Variants in NFE2L2 observed in about 807,000 individuals in gnomAD.
The protein encoded by NFE2L2 is nuclear factor erythroid 2-related factor 2.
A neutral mutation model predicts 49.6 loss-of-function variants in NFE2L2; 20 were observed. That is an observed-to-expected ratio of 0.40 (90% confidence interval 0.28 to 0.59). The LOEUF is 0.59. Ranked by LOEUF, NFE2L2 falls within the 20% of genes least tolerant of loss-of-function variation. The pLI is 0.40. For missense variants in NFE2L2, 578 were observed against 714.2 expected (o/e 0.81, Z 2.17); for synonymous variants, 244 against 256.5 (o/e 0.95, Z 0.47).
intron 1 of NFE2L2, among the ~76,000 whole-genome samples, chr2:177,256,578 T>TAACTGAAG (rs1287972899): frequency 1.6e-4 from 24 of 151,836 alleles, no homozygotes; most frequent in African/African-American, 5.8e-4. Flanking sequence ...GCCTAAATCT[T>TAACTGAAG]AACTGAAGTC....
Position 177,252,586 on chromosome 2 carries a change from T to C in NFE2L2, c.45+11946A>G, listed in dbSNP as rs138787742. On this transcript the variant is annotated intron_variant, in intron 1 of 4. Coordinates refer to ENST00000397062, the MANE Select transcript of NFE2L2 (RefSeq NM_006164.5). Reference sequence around the variant, plus strand: ...CCACCTTGAGGAAGAAATGAATCCATTCTTTAAGCAAAATGGCAACTTCTG... The same window carrying C: ...CCACCTTGAGGAAGAAATGAATCCACTCTTTAAGCAAAATGGCAACTTCTG... 4.4e-4 allele frequency among the ~76,000 whole-genome samples: 67 copies of C among 152,302 alleles called. No homozygotes were observed. The Middle Eastern group carries it at 0.014, about 31-fold the overall frequency.
At chr2:177,244,744 C>A (rs961470509) in intron 1 of NFE2L2, among the ~76,000 whole-genome samples, 1 of 152,078 alleles carries the variant, frequency 6.6e-6, no homozygotes, top group Non-Finnish European at 1.5e-5. Flanking sequence ...CGGTGGCACA[C>A]GCCTGTAATC....
chr2:177,262,897 CAGA>C (rs1428476938), intron 1 of NFE2L2, among the ~76,000 whole-genome samples: 2 of 152,076 alleles, frequency 1.3e-5, no homozygotes, highest in Non-Finnish European at 2.9e-5. Flanking sequence ...TAGTTGGAAC[CAGA>C]AGAATACAAT....
chr2:177,249,799 T>C (rs1429235267), intron 1 of NFE2L2, among the ~76,000 whole-genome samples: 3 of 152,376 alleles, frequency 2.0e-5, no homozygotes, highest in South Asian at 2.1e-4. Flanking sequence ...CTACAAGGTA[T>C]ATTTAACAGA....
intron 1 of NFE2L2, among the ~76,000 whole-genome samples, chr2:177,239,321 T>C (rs1659378867): frequency 6.6e-6 from 1 of 152,036 alleles, no homozygotes; most frequent in African/African-American, 2.4e-5. Context: ...TTCAGTGCAA[T>C]CGTAATAGGA....
intron 1 of NFE2L2, among the ~76,000 whole-genome samples, chr2:177,255,476 CAGG>C (rs1320246286): frequency 5.9e-5 from 9 of 152,294 alleles, no homozygotes; most frequent in East Asian, 5.8e-4. Context: ...TGGGAACCAG[CAGG>C]AGAAGAACAT....
intron 3 of NFE2L2, chr2:177,232,973 ATTT>A: frequency 2.0e-6 from 1 of 497,250 alleles, no homozygotes; most frequent in East Asian, 3.3e-5. Flanking sequence ...CAAATGGGTT[ATTT>A]GTTTCCATGG....
intron 1 of NFE2L2, among the ~76,000 whole-genome samples, chr2:177,239,551 C>T (rs961999924): frequency 5.9e-5 from 9 of 152,114 alleles, no homozygotes; most frequent in Admixed American, 2.6e-4. Flanking sequence ...GTGGCATGTG[C>T]CTGTAGTCCC....
intron 1 of NFE2L2, chr2:177,263,937 T>G (rs1439911259): frequency 1.0e-6 from 1 of 985,378 alleles, no homozygotes; most frequent in African/African-American, 1.7e-5. Context: ...GATGGATGAC[T>G]TCGCAAAGCC....
At chr2:177,256,637 A>T (rs926881202) in intron 1 of NFE2L2, among the ~76,000 whole-genome samples, 1 of 152,200 alleles carries the variant, frequency 6.6e-6, no homozygotes, top group Non-Finnish European at 1.5e-5. Flanking sequence ...ATTCAATACG[A>T]AACTCCTAAG....
At chr2:177,264,286 A>C in intron 1 of NFE2L2, 1 of 470,180 alleles carries the variant, frequency 2.1e-6, no homozygotes, top group Non-Finnish European at 3.7e-6. Flanking sequence ...CAGTCCCCAG[A>C]CCTTCCCGCA....
At chr2:177,233,981 T>G in intron 2 of NFE2L2, 24 bp downstream of exon 2, 1 of 1,611,948 alleles carries the variant, frequency 6.2e-7, no homozygotes, top group Non-Finnish European at 8.5e-7. Flanking sequence ...GCCATAACTT[T>G]CCCAAGAACT....
rs141363120 is a variant in NFE2L2, at chr2:177,231,678, G to A, written c.925C>T (p.Leu309Phe). 3.4e-3 allele frequency: 5,440 copies of A among 1,614,194 alleles called. 14 individuals are homozygous for A. The highest frequency in any genetic ancestry group is 4.8e-3 in the Middle Eastern group (29 of 6,062). Residue 309 changes from leucine to phenylalanine, a missense_variant, in exon 5 of 5, where the codon CTC becomes TTC. Physicochemically the swap from Leu to Phe is conservative, Grantham distance 22. Around this residue, in one of 3 missense-constraint regions of NFE2L2, gnomAD observed 368 missense variants for 384.6 expected, o/e 0.96. Coordinates refer to ENST00000397062, the MANE Select transcript of NFE2L2 (RefSeq NM_006164.5). Reference sequence around the variant, plus strand: ...ATGGGCCCATTTAGAAGTTCAGAGAGTGAATGGCTTAAAGTAGCAGGTGAG... The same window carrying A: ...ATGGGCCCATTTAGAAGTTCAGAGAATGAATGGCTTAAAGTAGCAGGTGAG... ...MPSPATLSHSLSELLNGPIDV... is the reference protein window; with the variant it reads ...MPSPATLSHSFSELLNGPIDV...
At chr2:177,241,251 CTTATT>C (rs1426331361) in intron 1 of NFE2L2, among the ~76,000 whole-genome samples, 1 of 152,132 alleles carries the variant, frequency 6.6e-6, no homozygotes, top group East Asian at 1.9e-4. Context: ...TAAAAAAAAT[CTTATT>C]TTAATGTTAT....
chr2:177,231,526 G>A lies in NFE2L2; in HGVS notation c.1077C>T (p.His359=). 1 of 1,614,226 alleles carries A rather than the reference G, an allele frequency of 6.2e-7. No individual in the cohort carries two copies. The highest frequency in any genetic ancestry group is 8.5e-7 in the Non-Finnish European group (1 of 1,180,030). The change falls in exon 5 of 5, where the codon CAC becomes CAT. Residue 359 remains histidine (H), a synonymous_variant. Transcript: ENST00000397062. ...NTSPSVASPE[H]SVESSSYGDT... ...CTCCATAGCTGGAAGATTCCACTGA[G>A]TGTTCTGGTGATGCCACACTGGGAC...
At chr2:177,253,830 T>C in intron 1 of NFE2L2, among the ~76,000 whole-genome samples, 1 of 152,204 alleles carries the variant, frequency 6.6e-6, no homozygotes, top group Non-Finnish European at 1.5e-5. Context: ...TACAATAGAT[T>C]GTAAGAGAAC....
At chr2:177,247,880 AGGCTG>A (rs1320172781) in intron 1 of NFE2L2, among the ~76,000 whole-genome samples, 4 of 152,226 alleles carry the variant, frequency 2.6e-5, no homozygotes, top group African/African-American at 9.6e-5. Context: ...GATAAGACCG[AGGCTG>A]GGCAAAGTCT....
At chr2:177,233,878 G>T in intron 2 of NFE2L2, 127 bp downstream of exon 2, 1 of 1,289,764 alleles carries the variant, frequency 7.8e-7, no homozygotes, top group Non-Finnish European at 1.1e-6. Flanking sequence ...GCTGAGGTTG[G>T]AAAGTAGATT....
chr2:177,237,111 C>T (rs559286299), intron 1 of NFE2L2, among the ~76,000 whole-genome samples: 4 of 152,328 alleles, frequency 2.6e-5, no homozygotes, highest in African/African-American at 9.6e-5. Flanking sequence ...TTTCCTGCCT[C>T]AGCTTCCCAA....
Sources: gnomAD v4.1 joint callset for allele counts (sites outside exome capture counted in the v4.1 genomes callset) on GRCh38, gnomAD v4.1.1 for gene constraint, gnomAD v4.1.1 regional missense constraint, MANE v1.5 for transcripts, NCBI Gene and HGNC (gene_info 2026-07-23, HGNC 2026-07-21) for gene names.